PRKN: variants seen among roughly 807,000 people sequenced by gnomAD.
The protein encoded by PRKN is E3 ubiquitin-protein ligase parkin.
PRKN carries 56 observed loss-of-function variants against 59.5 expected under a neutral mutation model. The observed-to-expected ratio is 0.94, with a 90% CI of 0.76 to 1.18. The LOEUF is 1.18. Among genes scored for constraint, PRKN ranks in the 50% most tolerant of loss-of-function variants. The pLI is 0.00. For missense variants in PRKN, 657 were observed against 596.4 expected, an observed-to-expected ratio of 1.10 and a Z score of -1.06; for synonymous variants, 250 against 222.1, an observed-to-expected ratio of 1.13 and a Z score of -1.12.
intron 6 of PRKN, among the ~76,000 whole-genome samples, chr6:161,845,970 G>A (rs1452113878): frequency 1.3e-5 from 2 of 152,202 alleles, no homozygotes; most frequent in African/African-American, 4.8e-5. Context: ...CAATTGGAGG[G>A]AAAAGAGGAA....
Position 162,517,323 on chromosome 6 carries a change from C to T in PRKN, c.8-73850G>A, listed in dbSNP as rs554698117. ...AGTGCAGTGACACAATCTCGGCTCA[C>T]TGCAAGGTCTGTCTCCCGGGTTCAA... On this transcript the variant is annotated intron_variant, in intron 1 of 11. Coordinates refer to ENST00000366898, the MANE Select transcript of PRKN (RefSeq NM_004562.3). 8.6e-5 allele frequency among the ~76,000 whole-genome samples: 13 copies of T among 151,240 alleles called. No homozygotes were observed. In the East Asian group the frequency reaches 2.5e-3, roughly 30 times the overall value.
At chr6:162,448,570 C>T (rs1790432454) in intron 1 of PRKN, among the ~76,000 whole-genome samples, 2 of 152,038 alleles carry the variant, frequency 1.3e-5, no homozygotes, top group African/African-American at 2.4e-5. Context: ...TCTTGGCACC[C>T]GCCAGAGAAA....
intron 4 of PRKN, among the ~76,000 whole-genome samples, chr6:162,175,029 A>G (rs755296146): frequency 4.3e-4 from 66 of 152,328 alleles, no homozygotes; most frequent in South Asian, 1.7e-3. Context: ...TAAAGAGACA[A>G]GGGGGACTTC....
At chr6:162,601,691 T>TA (rs1781717786) in intron 1 of PRKN, among the ~76,000 whole-genome samples, 1 of 152,132 alleles carries the variant, frequency 6.6e-6, no homozygotes, top group South Asian at 2.1e-4. Context: ...TACATTTTTA[T>TA]ATATGAGGAG....
At chr6:162,447,742 G>C (rs886454879) in intron 1 of PRKN, among the ~76,000 whole-genome samples, 9 of 152,066 alleles carry the variant, frequency 5.9e-5, no homozygotes, top group Admixed American at 3.9e-4. Flanking sequence ...ATTCTTAAAT[G>C]ATTCTGGCTG....
rs968504386 is a variant in PRKN at position 161,716,193 on chromosome 6, G to A, written c.871+69579C>T. On this transcript the variant is annotated intron_variant, in intron 7 of 11. Coordinates refer to ENST00000366898, the MANE Select transcript of PRKN (RefSeq NM_004562.3). ...TGATGCTCACAGCAACCTTGTATCT[G>A]ATGCTCTTTTCATATTATTGCTGTT... 1.0e-4 allele frequency: 80 copies of A among 779,792 alleles called. No homozygotes were observed. The Admixed American group carries it at 1.8e-3, about 17-fold the overall frequency. 48.3% of individuals were successfully genotyped at this position (779,792 alleles called of 1,614,324 possible).
At chr6:161,614,278 G>A (rs1365110883) in intron 7 of PRKN, among the ~76,000 whole-genome samples, 1 of 152,156 alleles carries the variant, frequency 6.6e-6, no homozygotes, top group Non-Finnish European at 1.5e-5. Flanking sequence ...GAATCTTGGA[G>A]GACCCTCTTT....
At position 161,497,273 on chromosome 6, in the gene PRKN, A is replaced by G. The variant is rs748071562; in HGVS notation, c.1083+51581T>C. On this transcript the variant is annotated intron_variant, in intron 9 of 11. Coordinates refer to ENST00000366898, the MANE Select transcript of PRKN (RefSeq NM_004562.3). The surrounding 1 kb of genome is among the most constrained non-coding windows in gnomAD (Gnocchi z 4.6). ...TGGAAGGGATTTGTACCTCCTTAGG[A>G]CAACTTCCCAGGTAAGGGCGAGTGG... Among the ~76,000 whole-genome samples the G allele has an allele frequency of 6.6e-6, 1 of 152,162 alleles. No homozygotes were observed. The highest frequency in any genetic ancestry group is 1.5e-5 in the Non-Finnish European group (1 of 68,032).
In PRKN at chr6:161,575,555, G is replaced by A. The variant is rs528912222; in HGVS notation, c.872-6139C>T. 1.3e-5 allele frequency among the ~76,000 whole-genome samples: 2 copies of A among 152,272 alleles called. No homozygotes were observed. The highest frequency in any genetic ancestry group is 2.1e-4 in the South Asian group (1 of 4,820). ...CATTGAGAAGCATTAAAAACCACATGAGTCTTCGATCACTATTTTTCCTTT... is the reference window on the plus strand; with the variant it reads ...CATTGAGAAGCATTAAAAACCACATAAGTCTTCGATCACTATTTTTCCTTT... On this transcript the variant is annotated intron_variant, in intron 7 of 11. Coordinates refer to ENST00000366898, the MANE Select transcript of PRKN (RefSeq NM_004562.3). This position sits in a 1 kb window ranked among gnomAD's most constrained non-coding sequence, Gnocchi z 4.6.
chr6:161,659,181 G>T (rs1253765517), intron 7 of PRKN, among the ~76,000 whole-genome samples: 2 of 152,208 alleles, frequency 1.3e-5, no homozygotes, highest in African/African-American at 2.4e-5. Flanking sequence ...ACTTCTTACA[G>T]TGCCTCTAAG....
intron 3 of PRKN, among the ~76,000 whole-genome samples, chr6:162,232,412 C>T (rs977707682): frequency 6.6e-6 from 1 of 152,150 alleles, no homozygotes; most frequent in Non-Finnish European, 1.5e-5. Context: ...CACTCCCCAA[C>T]TCCTGGGGGT....
intron 1 of PRKN, 48 bp downstream of exon 1, chr6:162,727,614 G>C: frequency 3.8e-6 from 6 of 1,562,042 alleles, no homozygotes; most frequent in Non-Finnish European, 5.2e-6. Context: ...CGCCATACCG[G>C]GGCGTGGGGC....
intron 1 of PRKN, among the ~76,000 whole-genome samples, chr6:162,697,074 A>T (rs1306932398): frequency 6.6e-6 from 1 of 152,136 alleles, no homozygotes; most frequent in East Asian, 1.9e-4. Flanking sequence ...CAGACTCCAA[A>T]TATTTGCTTC....
At chr6:161,955,365 G>A (rs1351801343) in intron 6 of PRKN, among the ~76,000 whole-genome samples, 1 of 151,366 alleles carries the variant, frequency 6.6e-6, no homozygotes, top group Non-Finnish European at 1.5e-5. Context: ...GCTATTTAAG[G>A]GTATTATTAT....
chr6:162,453,729 C>T lies in PRKN; in HGVS notation c.8-10256G>A, dbSNP rs1481551351. Among the ~76,000 whole-genome samples, 3 of 152,140 alleles carry T rather than the reference C, an allele frequency of 2.0e-5. No homozygotes were observed. In the East Asian group the frequency reaches 5.8e-4, roughly 29 times the overall value. On this transcript the variant is annotated intron_variant, in intron 1 of 11. Coordinates refer to ENST00000366898, the MANE Select transcript of PRKN (RefSeq NM_004562.3). ...ACCAGCCTGGCCAACATGGTGAAACCCCATCTCTACTAAAAATATCAAAAT... is the reference window on the plus strand; with the variant it reads ...ACCAGCCTGGCCAACATGGTGAAACTCCATCTCTACTAAAAATATCAAAAT...
intron 3 of PRKN, among the ~76,000 whole-genome samples, chr6:162,258,896 G>A (rs1779766533): frequency 6.6e-6 from 1 of 152,156 alleles, no homozygotes; most frequent in Non-Finnish European, 1.5e-5. Context: ...CACCTCTCAT[G>A]TTGACCACTT....
At chr6:161,978,874 G>C (rs1355196154) in intron 5 of PRKN, among the ~76,000 whole-genome samples, 1 of 152,340 alleles carries the variant, frequency 6.6e-6, no homozygotes. Context: ...AGTATTCTGG[G>C]GGAGCAGCCG....
At chr6:162,114,153 C>T (rs1458760731) in intron 4 of PRKN, among the ~76,000 whole-genome samples, 1 of 152,004 alleles carries the variant, frequency 6.6e-6, no homozygotes, top group African/African-American at 2.4e-5. Context: ...TAGCGTGATG[C>T]CTCCAGCTTT....
At chr6:162,626,294 G>A (rs1418172940) in intron 1 of PRKN, among the ~76,000 whole-genome samples, 1 of 152,110 alleles carries the variant, frequency 6.6e-6, no homozygotes, top group Non-Finnish European at 1.5e-5. Flanking sequence ...GTTTCCATTT[G>A]AAAGGTAGAG....
Sources: allele counts gnomAD v4.1 joint callset (sites outside exome capture counted in the v4.1 genomes callset), GRCh38; gene constraint gnomAD v4.1.1; non-coding constraint Gnocchi (gnomAD v3.1); transcripts MANE v1.5; gene names NCBI Gene and HGNC (gene_info 2026-07-23, HGNC 2026-07-21).